The following ST8SIA1 variants were observed in gnomAD, a reference collection of about 807,000 sequenced individuals.
ST8SIA1 encodes the protein ST8 alpha-N-acetyl-neuraminide alpha-2,8-sialyltransferase 1.
In ST8SIA1, 16 loss-of-function variants were observed where a neutral mutation model predicts 35.9. The observed-to-expected ratio is 0.45, with a 90% confidence interval of 0.30 to 0.68. The LOEUF is 0.68. ST8SIA1 is among the 30% of genes least tolerant of loss of function. The probability of loss-of-function intolerance (pLI) is 0.09; values close to 1 mark genes in which losing one functional copy is unlikely to be tolerated. For synonymous variants in ST8SIA1, 170 were observed against 169.6 expected (o/e 1.00, Z -0.02); for missense variants, 383 against 453.6 (o/e 0.84, Z 1.41).
chr12:22,198,083 A>G lies in ST8SIA1; in HGVS notation c.*3469T>C, dbSNP rs1260323371. Reference sequence around the variant, plus strand: ...CCTTCATGATCTTTGGAATCAATGCAGTTCTCAAATCGAGGCTAATAAAAA... The same window carrying G: ...CCTTCATGATCTTTGGAATCAATGCGGTTCTCAAATCGAGGCTAATAAAAA... On this transcript the variant is annotated 3_prime_UTR_variant, in exon 5 of 5. Transcript: ENST00000396037. The G allele has an allele frequency of 1.3e-5, 2 of 152,172 alleles. No homozygotes were observed. The highest frequency in any genetic ancestry group is 3.9e-4 in the East Asian group (2 of 5,192). The allele number at this position is 152,172 out of a possible 1,614,324, so 9.4% of individuals were successfully genotyped here. A position where few individuals can be genotyped will look rare whatever the true frequency, so the allele number is the denominator to read the frequency against.
chr12:22,249,679 T>G (rs1865647683), intron 3 of ST8SIA1, among the ~76,000 whole-genome samples: 1 of 152,166 alleles, frequency 6.6e-6, no homozygotes, highest in Non-Finnish European at 1.5e-5. Flanking sequence ...AGGGGCAAAT[T>G]ATCTACAAAA....
chr12:22,244,929 C>A (rs1486801121), intron 4 of ST8SIA1, among the ~76,000 whole-genome samples: 1 of 151,996 alleles, frequency 6.6e-6, no homozygotes, highest in African/African-American at 2.4e-5. Flanking sequence ...AATATGACAT[C>A]TGTCATATAT....
chr12:22,203,340 A>C (rs2120610992), intron 4 of ST8SIA1, among the ~76,000 whole-genome samples: 1 of 152,302 alleles, frequency 6.6e-6, no homozygotes, highest in South Asian at 2.1e-4. Context: ...TCAAAGAATA[A>C]ACTGAGCCAC....
chr12:22,210,895 G>A (rs778738049), intron 4 of ST8SIA1, among the ~76,000 whole-genome samples: 2 of 152,124 alleles, frequency 1.3e-5, no homozygotes, highest in Admixed American at 6.5e-5. Context: ...GTGGCCAACC[G>A]TTCCAGCTGT....
At chr12:22,283,378 A>G (rs565032030) in intron 2 of ST8SIA1, among the ~76,000 whole-genome samples, 3 of 152,196 alleles carry the variant, frequency 2.0e-5, no homozygotes, top group East Asian at 3.9e-4. Context: ...CCTTGGCAAG[A>G]TATCTTAGGT....
intron 1 of ST8SIA1, among the ~76,000 whole-genome samples, chr12:22,326,916 C>T (rs1866689290): frequency 6.6e-6 from 1 of 152,074 alleles, no homozygotes; most frequent in Admixed American, 6.6e-5. Context: ...TCATTATTTC[C>T]AAGATGACTC....
intron 2 of ST8SIA1, among the ~76,000 whole-genome samples, chr12:22,262,483 C>T (rs1350521829): frequency 1.3e-5 from 2 of 152,264 alleles, no homozygotes; most frequent in East Asian, 1.9e-4. Flanking sequence ...ACCACTGGCA[C>T]AAGGAGACTT....
intron 4 of ST8SIA1, among the ~76,000 whole-genome samples, chr12:22,233,427 T>C (rs1865440113): frequency 6.6e-6 from 1 of 152,196 alleles, no homozygotes; most frequent in South Asian, 2.1e-4. Flanking sequence ...ATTCTGTTAC[T>C]GTCAGAATCT....
At position 22,194,791 on chromosome 12, in the gene ST8SIA1, G is replaced by A. The variant is rs1166219191; in HGVS notation, c.*6761C>T. The stretch of plus-strand genomic sequence containing the variant: ...CCACTTTCCAAGGGTGAGGGTCAAA[G>A]TGACACTTGCTGCTATCACTGCCTC... On this transcript the variant is annotated 3_prime_UTR_variant, in exon 5 of 5. Coordinates refer to ENST00000396037, the MANE Select transcript of ST8SIA1 (RefSeq NM_003034.4). The A allele has an allele frequency of 6.6e-6, 1 of 152,196 alleles. No individual in the cohort carries two copies. Among genetic ancestry groups the A allele is most frequent in the Non-Finnish European group, 1.5e-5 (1 of 68,056 alleles). 9.4% of individuals were successfully genotyped at this position (152,196 alleles called of 1,614,324 possible). A position where few individuals can be genotyped will look rare whatever the true frequency, so the allele number is the denominator to read the frequency against.
intron 4 of ST8SIA1, among the ~76,000 whole-genome samples, chr12:22,208,135 C>CAAAAA (rs71053390): frequency 1.0e-5 from 1 of 97,802 alleles, no homozygotes; most frequent in Non-Finnish European, 2.1e-5. Flanking sequence ...GTCTGTCTCA[C>CAAAAA]AAAAAAAAAA....
intron 4 of ST8SIA1, among the ~76,000 whole-genome samples, chr12:22,246,556 C>T (rs1565576719): frequency 2.6e-5 from 4 of 152,044 alleles, no homozygotes; most frequent in South Asian, 2.1e-4. Flanking sequence ...GGGTGGGGGC[C>T]GGGGACCGGT....
intron 1 of ST8SIA1, among the ~76,000 whole-genome samples, chr12:22,295,108 A>G (rs1278290442): frequency 2.0e-5 from 3 of 152,172 alleles, no homozygotes; most frequent in African/African-American, 7.2e-5. Flanking sequence ...TTGCCTTCTA[A>G]TTCTAATGGA....
At chr12:22,262,545 A>C (rs938828682) in intron 2 of ST8SIA1, among the ~76,000 whole-genome samples, 2 of 152,210 alleles carry the variant, frequency 1.3e-5, no homozygotes, top group Non-Finnish European at 2.9e-5. Context: ...CTTGAATGAT[A>C]ATTGTGTGAC....
At chr12:22,243,861 G>C (rs183143848) in intron 4 of ST8SIA1, among the ~76,000 whole-genome samples, 3 of 151,968 alleles carry the variant, frequency 2.0e-5, no homozygotes, top group Non-Finnish European at 4.4e-5. Context: ...GTGAAACCCC[G>C]TCTCTACAAA....
At chr12:22,296,558 C>A (rs763400713) in intron 1 of ST8SIA1, among the ~76,000 whole-genome samples, 1 of 152,154 alleles carries the variant, frequency 6.6e-6, no homozygotes, top group South Asian at 2.1e-4. Flanking sequence ...TCATTTAACA[C>A]CATGCTCAGA....
chr12:22,204,017 T>G (rs1454463907), intron 4 of ST8SIA1, among the ~76,000 whole-genome samples: 1 of 152,190 alleles, frequency 6.6e-6, no homozygotes, highest in Non-Finnish European at 1.5e-5. Context: ...CAGTGTAAGC[T>G]GTCTGGCTTT....
At chr12:22,283,351 T>C (rs1866059149) in intron 2 of ST8SIA1, among the ~76,000 whole-genome samples, 1 of 152,188 alleles carries the variant, frequency 6.6e-6, no homozygotes, top group African/African-American at 2.4e-5. Flanking sequence ...CTCATTTCCA[T>C]GGAAATTTGT....
At chr12:22,219,656 T>C (rs765125600) in intron 4 of ST8SIA1, among the ~76,000 whole-genome samples, 3 of 152,172 alleles carry the variant, frequency 2.0e-5, no homozygotes, top group Non-Finnish European at 2.9e-5. Flanking sequence ...GAAATTATCA[T>C]GAACAAATCA....
intron 2 of ST8SIA1, among the ~76,000 whole-genome samples, chr12:22,271,457 T>G (rs1865910729): frequency 6.6e-6 from 1 of 152,182 alleles, no homozygotes; most frequent in South Asian, 2.1e-4. Flanking sequence ...AATGGTTATT[T>G]ACACAATTAC....
Sources: allele counts gnomAD v4.1 joint callset (sites outside exome capture counted in the v4.1 genomes callset), GRCh38; gene constraint gnomAD v4.1.1; transcripts MANE v1.5; gene names NCBI Gene and HGNC (gene_info 2026-07-23, HGNC 2026-07-21).